ACTB: variants seen among roughly 807,000 people sequenced by gnomAD.
ACTB encodes actin, cytoplasmic 1.
A neutral mutation model predicts 30.5 loss-of-function variants in ACTB; 2 were observed. The observed-to-expected ratio is 0.07, with a 90% CI of 0.03 to 0.21. The LOEUF is 0.21. Ranked by LOEUF, ACTB falls within the 10% of genes least tolerant of loss-of-function variation. The pLI, the probability that ACTB is intolerant of heterozygous loss-of-function variation, is 1.00. For synonymous variants in ACTB, 335 were observed against 217.6 expected (o/e 1.54, Z -4.75); for missense variants, 56 against 530.0 (o/e 0.11, Z 8.78).
In ACTB at chr7:5,527,262, G is replaced by A. The variant is rs1784783031; in HGVS notation, c.*486C>T. 2 of 242,304 alleles carry A rather than the reference G, an allele frequency of 8.3e-6. No homozygotes were observed. Among genetic ancestry groups the A allele is most frequent in the African/African-American group, 2.4e-5 (1 of 41,924 alleles). 15.0% of individuals were successfully genotyped at this position (242,304 alleles called of 1,614,324 possible). A position where few individuals can be genotyped will look rare whatever the true frequency, so the allele number is the denominator to read the frequency against. Reference sequence around the variant, plus strand: ...AAAAGCCTTCATACATCTCAAGTTGGGGGACAAAAAAGGGGGAAGGGGGGG... The same window carrying A: ...AAAAGCCTTCATACATCTCAAGTTGAGGGACAAAAAAGGGGGAAGGGGGGG... On this transcript the variant is annotated 3_prime_UTR_variant, in exon 6 of 6. Transcript: ENST00000646664.
Position 5,527,623 on chromosome 7 carries a change from C to CAA in ACTB, c.*123_*124dup, listed in dbSNP as rs370106412. 13,838 of 1,158,688 alleles carry CAA rather than the reference C, an allele frequency of 0.012. No individual in the cohort carries two copies. Among genetic ancestry groups the CAA allele is most frequent in the Non-Finnish European group, 0.013 (11,426 of 861,412 alleles). The allele number at this position is 1,158,688 out of a possible 1,614,324, so 71.8% of individuals were successfully genotyped here. On this transcript the variant is annotated 3_prime_UTR_variant, in exon 6 of 6. Coordinates refer to ENST00000646664, the MANE Select transcript of ACTB (RefSeq NM_001101.5). ...CCAGTTTTTAAATCCTGAGTCAAGC[C>CAA]AAAAAAAAAAAAAAAACCAAAACAA...
chr7:5,529,494 C>G (rs1199643672), intron 2 of ACTB, 41 bp downstream of exon 2: 1 of 1,612,122 alleles, frequency 6.2e-7, no homozygotes, highest in African/African-American at 1.3e-5. Context: ...CCTTGCCTCC[C>G]GCCCGCTCCC....
intron 1 of ACTB, among the ~76,000 whole-genome samples, chr7:5,530,233 C>T (rs985190787): frequency 6.6e-6 from 1 of 152,070 alleles, no homozygotes; most frequent in Non-Finnish European, 1.5e-5. Context: ...ACCCTGCGAT[C>T]CCCATTGGCA....
At chr7:5,528,843 C>CT (rs1784820060) in intron 3 of ACTB, 124 bp from the exon 4 acceptor site, 9 of 1,414,412 alleles carry the variant, frequency 6.4e-6, no homozygotes, top group Non-Finnish European at 1.0e-6. Flanking sequence ...GATGGGGAGT[C>CT]TGTTCAGACC....
rs760547214 is a variant in ACTB, at chr7:5,528,618, G to A, written c.465C>T (p.Ser155=). 3.1e-5 allele frequency: 50 copies of A among 1,613,878 alleles called. No homozygotes were observed. Among genetic ancestry groups the A allele is most frequent in the Admixed American group, 6.7e-5 (4 of 60,002 alleles). The change falls in exon 4 of 6, where the codon TCC becomes TCT. Residue 155 remains serine (S), a synonymous_variant. Coordinates refer to ENST00000646664, the MANE Select transcript of ACTB (RefSeq NM_001101.5). Reference sequence around the variant, plus strand: ...GCACAGTGTGGGTGACCCCGTCACCGGAGTCCATCACGATGCCAGTGGTAC... The same window carrying A: ...GCACAGTGTGGGTGACCCCGTCACCAGAGTCCATCACGATGCCAGTGGTAC... ...SGRTTGIVMD[S]GDGVTHTVPI...
chr7:5,528,229 C>G (rs747456624), intron 4 of ACTB, 44 bp from the exon 5 acceptor site: 4 of 1,613,758 alleles, frequency 2.5e-6, no homozygotes, highest in Non-Finnish European at 3.4e-6. Flanking sequence ...ACAGCACAGC[C>G]CCGAGGGGTA....
intron 1 of ACTB, 150 bp from the exon 2 acceptor site, chr7:5,529,813 G>A (rs1430253847): frequency 5.4e-6 from 7 of 1,293,280 alleles, no homozygotes; most frequent in Middle Eastern, 1.9e-4. Context: ...TACCATAAAA[G>A]GCAAACACTG....
chr7:5,528,531 G>A lies in ACTB; in HGVS notation c.552C>T (p.Asp184=). Residue 184 remains aspartate, a synonymous_variant, in exon 4 of 6, where the codon GAC becomes GAT. Coordinates refer to ENST00000646664, the MANE Select transcript of ACTB (RefSeq NM_001101.5). The part of the protein sequence containing the change: ...AILRLDLAGR[D]LTDYLMKILT... Reference sequence around the variant, plus strand: ...GGATCTTCATGAGGTAGTCAGTCAGGTCCCGGCCAGCCAGGTCCAGACGCA... The same window carrying A: ...GGATCTTCATGAGGTAGTCAGTCAGATCCCGGCCAGCCAGGTCCAGACGCA... 1 of 1,614,020 alleles carries A rather than the reference G, an allele frequency of 6.2e-7. No homozygotes were observed. The highest frequency in any genetic ancestry group is 8.5e-7 in the Non-Finnish European group (1 of 1,180,032).
In ACTB at chr7:5,529,416, C is replaced by T. The variant is rs13447396; in HGVS notation, c.124-16G>A. 2.7e-5 allele frequency: 43 copies of T among 1,613,750 alleles called. No homozygotes were observed. In the African/African-American group the frequency reaches 5.1e-4, roughly 19 times the overall value. On this transcript the variant is annotated splice_polypyrimidine_tract_variant and intron_variant, in intron 2 of 5. Coordinates refer to ENST00000646664, the MANE Select transcript of ACTB (RefSeq NM_001101.5). ...CCATCACGCCCTGGGAAGGAAAGGA[C>T]AAGAAGCCCTGAGCACGGGCGCAGC... is the stretch of plus-strand genomic sequence containing the variant.
intron 1 of ACTB, among the ~76,000 whole-genome samples, 185 bp downstream of exon 1, chr7:5,530,339 C>G (rs373957335): frequency 8.5e-5 from 13 of 152,184 alleles, no homozygotes; most frequent in East Asian, 7.7e-4. Flanking sequence ...CGCCTCCGAA[C>G]TGGCGTGGGG....
At chr7:5,530,071 G>T (rs558037270) in intron 1 of ACTB, 1 of 153,966 alleles carries the variant, frequency 6.5e-6, no homozygotes, top group Non-Finnish European at 1.4e-5. Flanking sequence ...CCGGGCCCCA[G>T]AACGCACGCG....
Sources: allele counts gnomAD v4.1 joint callset (sites outside exome capture counted in the v4.1 genomes callset), GRCh38; gene constraint gnomAD v4.1.1; transcripts MANE v1.5; gene names NCBI Gene and HGNC (gene_info 2026-07-23, HGNC 2026-07-21).